DAB2IP: variants seen among roughly 807,000 people sequenced by gnomAD.
DAB2IP encodes disabled homolog 2-interacting protein.
DAB2IP carries 28 observed loss-of-function variants against 107.2 expected under a neutral mutation model. The observed-to-expected ratio is 0.26, with a 90% confidence interval of 0.19 to 0.36. The LOEUF is 0.36. Among genes scored for constraint, DAB2IP ranks in the 10% least tolerant of loss-of-function variants. The probability of loss-of-function intolerance (pLI) is 1.00; values close to 1 mark genes in which losing one functional copy is unlikely to be tolerated. For synonymous variants in DAB2IP, 755 were observed against 706.4 expected, an observed-to-expected ratio of 1.07 and a Z score of -1.09; for missense variants, 1,400 against 1,644.7, an observed-to-expected ratio of 0.85 and a Z score of 2.57.
chr9:121,712,195 T>C (rs1338287300), intron 3 of DAB2IP, among the ~76,000 whole-genome samples: 1 of 152,200 alleles, frequency 6.6e-6, no homozygotes, highest in Non-Finnish European at 1.5e-5. Context: ...TCCACATGGC[T>C]CCCATAGCAT....
chr9:121,574,779 G>A (rs1475070190), intron 1 of DAB2IP: 1 of 152,212 alleles, frequency 6.6e-6, no homozygotes, highest in Non-Finnish European at 1.5e-5. Flanking sequence ...ATGCCCAGGG[G>A]GGCCTCGGTT....
At chr9:121,765,708 G>A (rs1564214486) in intron 8 of DAB2IP, among the ~76,000 whole-genome samples, 1 of 152,220 alleles carries the variant, frequency 6.6e-6, no homozygotes, top group Non-Finnish European at 1.5e-5. Flanking sequence ...GCCTGCCCCA[G>A]GCTGGGAGAT....
At chr9:121,646,005 G>A (rs1231792356) in intron 1 of DAB2IP, among the ~76,000 whole-genome samples, 1 of 152,032 alleles carries the variant, frequency 6.6e-6, no homozygotes, top group African/African-American at 2.4e-5. Context: ...TTAGAGTTCC[G>A]GCCTGTCCCG....
intron 3 of DAB2IP, among the ~76,000 whole-genome samples, chr9:121,713,355 T>C (rs1321178916): frequency 2.6e-5 from 4 of 151,542 alleles, no homozygotes; most frequent in African/African-American, 9.7e-5. Context: ...TTGCTTGGAG[T>C]GTCTAGAGGG....
chr9:121,568,692 G>A (rs1010481332), intron 1 of DAB2IP, among the ~76,000 whole-genome samples: 2 of 152,198 alleles, frequency 1.3e-5, no homozygotes, highest in African/African-American at 4.8e-5. Flanking sequence ...GCTTGGCATT[G>A]GGATGCGTAT....
intron 4 of DAB2IP, among the ~76,000 whole-genome samples, chr9:121,758,058 A>C (rs780261896): frequency 6.6e-6 from 1 of 152,210 alleles, no homozygotes; most frequent in Non-Finnish European, 1.5e-5. Flanking sequence ...CTGGGTTCTG[A>C]CTTCCTTGCC....
exon 16 of DAB2IP, chr9:121,784,209 G>A (rs1369160476): frequency 6.5e-6 from 1 of 154,560 alleles, no homozygotes; most frequent in Non-Finnish European, 1.4e-5. Flanking sequence ...GATGGGAGGT[G>A]GAAGCAGAGG....
intron 3 of DAB2IP, among the ~76,000 whole-genome samples, chr9:121,728,975 G>A (rs1329553255): frequency 6.6e-6 from 1 of 152,130 alleles, no homozygotes; most frequent in Non-Finnish European, 1.5e-5. Context: ...TTACATTATT[G>A]TAATCACCCA....
intron 1 of DAB2IP, among the ~76,000 whole-genome samples, chr9:121,580,753 T>C (rs1830177071): frequency 6.6e-6 from 1 of 152,014 alleles, no homozygotes; most frequent in Non-Finnish European, 1.5e-5. Flanking sequence ...GCCTCCTGAG[T>C]AGCTGGGACT....
In DAB2IP at chr9:121,763,882, C is replaced by A; in HGVS notation, c.1460+3C>A. The A allele has an allele frequency of 6.2e-7, 1 of 1,613,446 alleles. No homozygotes were observed. The highest frequency in any genetic ancestry group is 1.1e-5 in the South Asian group (1 of 90,986). Reference sequence around the variant, plus strand: ...TGCAAGATCATCAACTCCTACTGGTCAGTGCGGTGCCCAGGTCTCCCCACC... The same window carrying A: ...TGCAAGATCATCAACTCCTACTGGTAAGTGCGGTGCCCAGGTCTCCCCACC... On this transcript the variant is annotated splice_donor_region_variant and intron_variant, in intron 8 of 15. Transcript: ENST00000408936.
At chr9:121,622,632 G>A (rs1007530186) in intron 1 of DAB2IP, among the ~76,000 whole-genome samples, 1 of 152,166 alleles carries the variant, frequency 6.6e-6, no homozygotes, top group East Asian at 1.9e-4. Context: ...CACTTCTCAG[G>A]GCTGGGGCTG....
chr9:121,773,917 G>A lies in DAB2IP; in HGVS notation c.2968-343G>A, dbSNP rs563701700. On this transcript the variant is annotated intron_variant, in intron 12 of 15. Transcript: ENST00000408936. Reference sequence around the variant, plus strand: ...CTGTCACCCAAAGGCTGCAGGCAGTGTCTGGAGTGGAGGTGCCTTGGGCTG... The same window carrying A: ...CTGTCACCCAAAGGCTGCAGGCAGTATCTGGAGTGGAGGTGCCTTGGGCTG... Among the ~76,000 whole-genome samples, 4 of 152,322 alleles carry A rather than the reference G, an allele frequency of 2.6e-5. No individual in the cohort carries two copies. In the South Asian group the frequency reaches 8.3e-4, roughly 32 times the overall value.
chr9:121,659,905 T>A (rs952830382), intron 1 of DAB2IP, among the ~76,000 whole-genome samples: 2 of 152,182 alleles, frequency 1.3e-5, no homozygotes, highest in Admixed American at 6.5e-5. Context: ...CAGGTCTCAC[T>A]GGTACTTGTT....
chr9:121,763,017 C>T (rs1834003411), intron 6 of DAB2IP, among the ~76,000 whole-genome samples: 1 of 152,206 alleles, frequency 6.6e-6, no homozygotes, highest in Admixed American at 6.5e-5. Flanking sequence ...AGTGGGGCTG[C>T]ACAGAAGGCA....
intron 1 of DAB2IP, among the ~76,000 whole-genome samples, chr9:121,636,767 T>C (rs1832105546): frequency 6.6e-6 from 1 of 152,202 alleles, no homozygotes; most frequent in Non-Finnish European, 1.5e-5. Context: ...CACCACGTCT[T>C]GATTCCTCCG....
intron 1 of DAB2IP, among the ~76,000 whole-genome samples, chr9:121,603,392 T>C (rs1589394575): frequency 7.0e-6 from 1 of 143,792 alleles, no homozygotes; most frequent in African/African-American, 2.9e-5. Flanking sequence ...TGTTCTGCCT[T>C]GGACCTATTT....
chr9:121,776,454 A>G lies in DAB2IP; in HGVS notation c.3314+63A>G. 1 of 1,446,392 alleles carries G rather than the reference A, an allele frequency of 6.9e-7. No homozygotes were observed. 89.6% of individuals were successfully genotyped at this position (1,446,392 alleles called of 1,614,324 possible). Reference sequence around the variant, plus strand: ...GGCAGGGCAGCCATCGCTGCCTTCGAGGAGGCCCCTGGTCGGGGAGCCTCC... The same window carrying G: ...GGCAGGGCAGCCATCGCTGCCTTCGGGGAGGCCCCTGGTCGGGGAGCCTCC... On this transcript the variant is annotated intron_variant, in intron 14 of 15. Transcript: ENST00000408936. The surrounding 1 kb of genome is among the most constrained non-coding windows in gnomAD (Gnocchi z 5.4).
chr9:121,768,535 C>G (rs747169791), exon 10 of DAB2IP: 15 of 1,614,138 alleles, frequency 9.3e-6, no homozygotes, highest in Non-Finnish European at 9.3e-6. Context: ...CCCCGAGACC[C>G]TCTCCAATAC....
chr9:121,768,403 T>C (rs780373281), intron 9 of DAB2IP, 29 bp from the exon 10 acceptor site: 4 of 1,613,452 alleles, frequency 2.5e-6, no homozygotes, highest in Non-Finnish European at 2.5e-6. Context: ...CTGGGCCCAG[T>C]AGTGCTCACC....
Sources: gnomAD v4.1 joint callset for allele counts (sites outside exome capture counted in the v4.1 genomes callset) on GRCh38, gnomAD v4.1.1 for gene constraint, Gnocchi (gnomAD v3.1) non-coding constraint, MANE v1.5 for transcripts, NCBI Gene and HGNC (gene_info 2026-07-23, HGNC 2026-07-21) for gene names.